CRPPA: variants seen among roughly 807,000 people sequenced by gnomAD.
CRPPA encodes the protein CDP-L-ribitol pyrophosphorylase A.
CRPPA carries 43 observed loss-of-function variants against 52.0 expected under a neutral mutation model. The ratio of observed to expected loss-of-function variants is 0.83; its 90% confidence interval spans 0.65 to 1.07. The LOEUF (loss-of-function observed/expected upper bound fraction) is 1.07, where lower values mean the gene tolerates loss of function less well. Among genes scored for constraint, CRPPA ranks in the 50% least tolerant of loss-of-function variants. The probability of loss-of-function intolerance (pLI) is 0.00; values close to 1 mark genes in which losing one functional copy is unlikely to be tolerated. For missense variants in CRPPA, 629 were observed against 551.7 expected (o/e 1.14, Z -1.40); for synonymous variants, 250 against 203.5 (o/e 1.23, Z -1.94).
At chr7:16,184,181 T>A (rs1489897335) in intron 9 of CRPPA, among the ~76,000 whole-genome samples, 1 of 152,126 alleles carries the variant, frequency 6.6e-6, no homozygotes, top group East Asian at 1.9e-4. Context: ...GACCTCATGA[T>A]CTGCCCACCT....
At chr7:16,301,994 T>C (rs961082129) in intron 4 of CRPPA, among the ~76,000 whole-genome samples, 9 of 152,164 alleles carry the variant, frequency 5.9e-5, no homozygotes, top group African/African-American at 1.7e-4. Context: ...AAAGAGCCTA[T>C]AGGGTACCAC....
At chr7:16,101,147 T>A (rs1362486001) in intron 9 of CRPPA, among the ~76,000 whole-genome samples, 1 of 152,162 alleles carries the variant, frequency 6.6e-6, no homozygotes, top group Non-Finnish European at 1.5e-5. Context: ...GGTGTTTGTA[T>A]CAGGATGATG....
intron 2 of CRPPA, among the ~76,000 whole-genome samples, chr7:16,399,799 C>G (rs576919332): frequency 6.6e-6 from 1 of 152,204 alleles, no homozygotes; most frequent in Non-Finnish European, 1.5e-5. Context: ...GTGACCAACA[C>G]GTGACTGACA....
intron 9 of CRPPA, among the ~76,000 whole-genome samples, chr7:16,191,183 A>T (rs1233088491): frequency 6.6e-6 from 1 of 152,010 alleles, no homozygotes; most frequent in Non-Finnish European, 1.5e-5. Context: ...TTAATGGCAG[A>T]TCTACTTTTA....
intron 9 of CRPPA, among the ~76,000 whole-genome samples, chr7:16,095,712 G>A (rs747123666): frequency 6.6e-6 from 1 of 152,166 alleles, no homozygotes; most frequent in Admixed American, 6.6e-5. Flanking sequence ...CCCAAGGAGA[G>A]CATAGCAATC....
chr7:16,322,800 G>T (rs750061303), intron 3 of CRPPA, among the ~76,000 whole-genome samples: 1 of 152,068 alleles, frequency 6.6e-6, no homozygotes, highest in African/African-American at 2.4e-5. Flanking sequence ...TTCTCATGCT[G>T]CTATGAAGAA....
chr7:16,196,559 G>T (rs17672493), intron 9 of CRPPA, among the ~76,000 whole-genome samples: 1 of 151,968 alleles, frequency 6.6e-6, no homozygotes, highest in Non-Finnish European at 1.5e-5. Flanking sequence ...GCATTCAAGA[G>T]AAATGTAGTG....
intron 9 of CRPPA, among the ~76,000 whole-genome samples, chr7:16,144,699 G>T (rs970747118): frequency 2.0e-5 from 3 of 152,138 alleles, no homozygotes; most frequent in South Asian, 2.1e-4. Context: ...AATTGTGTTT[G>T]CTCCAAGCCT....
At chr7:16,191,670 C>A (rs950201084) in intron 9 of CRPPA, among the ~76,000 whole-genome samples, 1 of 152,032 alleles carries the variant, frequency 6.6e-6, no homozygotes, top group Non-Finnish European at 1.5e-5. Context: ...GGCTTTGTAC[C>A]GGTTGCTTCC....
intron 3 of CRPPA, among the ~76,000 whole-genome samples, chr7:16,315,197 G>C (rs995008485): frequency 9.2e-5 from 14 of 152,020 alleles, no homozygotes; most frequent in Non-Finnish European, 5.9e-5. Context: ...TAGTGTTTCT[G>C]ATCTCCAGCA....
At chr7:16,394,445 A>G (rs768429184) in intron 2 of CRPPA, among the ~76,000 whole-genome samples, 4 of 152,156 alleles carry the variant, frequency 2.6e-5, no homozygotes, top group Non-Finnish European at 5.9e-5. Context: ...TAAAGAGAAA[A>G]GTGAGACAAC....
intron 6 of CRPPA, chr7:16,276,810 G>A (rs986654857): frequency 3.9e-5 from 6 of 152,128 alleles, no homozygotes; most frequent in Non-Finnish European, 7.3e-5. Context: ...CAGTAAGAAA[G>A]TTCACTGTCA....
At chr7:16,213,725 G>C (rs111368119) in intron 9 of CRPPA, among the ~76,000 whole-genome samples, 2 of 150,074 alleles carry the variant, frequency 1.3e-5, no homozygotes, top group African/African-American at 2.5e-5. Context: ...CTCCAGCCTG[G>C]GCAACAAGAG....
At chr7:16,092,154 T>C (rs1781850309) in intron 9 of CRPPA, among the ~76,000 whole-genome samples, 1 of 152,188 alleles carries the variant, frequency 6.6e-6, no homozygotes, top group South Asian at 2.1e-4. Context: ...TTCATCTTGT[T>C]TCTGAGTGTT....
intron 6 of CRPPA, chr7:16,276,736 T>A (rs1784210623): frequency 6.6e-6 from 1 of 152,244 alleles, no homozygotes; most frequent in South Asian, 2.1e-4. Context: ...TTTACTTATA[T>A]GACTAAGAAT....
At chr7:16,335,904 T>C (rs1448452623) in intron 3 of CRPPA, among the ~76,000 whole-genome samples, 2 of 152,200 alleles carry the variant, frequency 1.3e-5, no homozygotes, top group East Asian at 1.9e-4. Context: ...AGCCCCAAGA[T>C]GGCTTTTAGC....
At chr7:16,155,883 C>T (rs1783169646) in intron 9 of CRPPA, among the ~76,000 whole-genome samples, 1 of 152,030 alleles carries the variant, frequency 6.6e-6, no homozygotes. Context: ...TAGAGGGATA[C>T]TTTCAAATAT....
chr7:16,258,612 AAC>A, intron 7 of CRPPA, 130 bp from the exon 8 acceptor site: 1 of 624,970 alleles, frequency 1.6e-6, no homozygotes, highest in African/African-American at 1.9e-5. Context: ...TTAATTTAGA[AAC>A]AATTTTAAAG....
chr7:16,158,747 G>C (rs1033100514), intron 9 of CRPPA, among the ~76,000 whole-genome samples: 1 of 152,088 alleles, frequency 6.6e-6, no homozygotes, highest in African/African-American at 2.4e-5. Context: ...TATCTATGCT[G>C]GCATTTGTTA....
Sources: gnomAD v4.1 joint callset for allele counts (sites outside exome capture counted in the v4.1 genomes callset) on GRCh38, gnomAD v4.1.1 for gene constraint, MANE v1.5 for transcripts, NCBI Gene and HGNC (gene_info 2026-07-23, HGNC 2026-07-21) for gene names.